Variants in DGKB observed in about 807,000 individuals in gnomAD.
DGKB encodes diacylglycerol kinase beta.
DGKB carries 67 observed loss-of-function variants against 114.3 expected under a neutral mutation model. The ratio of observed to expected loss-of-function variants is 0.59; its 90% CI spans 0.48 to 0.72. DGKB has a LOEUF of 0.72. DGKB is among the 30% of genes least tolerant of loss of function. The pLI is 0.00. For synonymous variants in DGKB, 398 were observed against 323.1 expected (o/e 1.23, Z -2.49); for missense variants, 907 against 975.2 (o/e 0.93, Z 0.93).
At chr7:14,739,434 G>A (rs1012818482) in intron 4 of DGKB, among the ~76,000 whole-genome samples, 1 of 152,180 alleles carries the variant, frequency 6.6e-6, no homozygotes, top group Non-Finnish European at 1.5e-5. Context: ...CTCATGTGTG[G>A]TGGCCTGGTA....
At chr7:14,270,348 T>C (rs1798106392) in intron 23 of DGKB, among the ~76,000 whole-genome samples, 1 of 152,154 alleles carries the variant, frequency 6.6e-6, no homozygotes, top group Non-Finnish European at 1.5e-5. Flanking sequence ...ATATGAACCT[T>C]CTTAGCCTCT....
intron 2 of DGKB, among the ~76,000 whole-genome samples, chr7:14,777,255 G>A (rs1428060759): frequency 6.6e-6 from 1 of 152,088 alleles, no homozygotes; most frequent in Non-Finnish European, 1.5e-5. Flanking sequence ...ATGAGACTTT[G>A]GACTTGGACT....
chr7:14,426,150 G>A (rs1264364934), intron 21 of DGKB, among the ~76,000 whole-genome samples: 1 of 152,130 alleles, frequency 6.6e-6, no homozygotes, highest in Non-Finnish European at 1.5e-5. Flanking sequence ...AGTTTCATGT[G>A]TAGTCAATTC....
rs141327271 is a variant in DGKB at position 14,313,084 on chromosome 7, T to C, written c.2122+25431A>G. Among the ~76,000 whole-genome samples, 1,373 of 152,370 alleles carry C rather than the reference T, an allele frequency of 9.0e-3. 20 individuals are homozygous for C. The highest frequency in any genetic ancestry group is 0.031 in the African/African-American group (1,300 of 41,592). ...TACAAAAAATTGATTGATGTTTCTA[T>C]ATTTCACATTGCAAGTAACCTTTAA... On this transcript the variant is annotated intron_variant, in intron 23 of 25. Transcript: ENST00000402815.
chr7:14,158,901 A>G (rs1783442117), intron 25 of DGKB, among the ~76,000 whole-genome samples: 1 of 151,994 alleles, frequency 6.6e-6, no homozygotes, highest in Non-Finnish European at 1.5e-5. Context: ...ATTGACTCTA[A>G]TCATTTTCAT....
intron 23 of DGKB, among the ~76,000 whole-genome samples, chr7:14,270,504 A>G (rs1314111274): frequency 1.3e-5 from 2 of 152,190 alleles, no homozygotes; most frequent in Non-Finnish European, 2.9e-5. Context: ...TTTACAAAGC[A>G]CTTCCTTTTC....
intron 1 of DGKB, among the ~76,000 whole-genome samples, chr7:14,916,538 T>G (rs894899474): frequency 6.6e-6 from 1 of 152,018 alleles, no homozygotes; most frequent in African/African-American, 2.4e-5. Context: ...GCAATAAAAA[T>G]TATAAGGGAT....
At chr7:14,337,855 A>C (rs1810956393) in intron 23 of DGKB, among the ~76,000 whole-genome samples, 1 of 152,150 alleles carries the variant, frequency 6.6e-6, no homozygotes, top group Non-Finnish European at 1.5e-5. Context: ...TCTAGTTTAT[A>C]AAATCTCTAA....
intron 1 of DGKB, among the ~76,000 whole-genome samples, chr7:14,872,477 C>T (rs1348658154): frequency 2.0e-5 from 3 of 152,164 alleles, no homozygotes; most frequent in Non-Finnish European, 4.4e-5. Flanking sequence ...AACTTCACAG[C>T]TAAGTTTCTG....
intron 23 of DGKB, among the ~76,000 whole-genome samples, chr7:14,234,231 C>A (rs1792394888): frequency 6.6e-6 from 1 of 152,036 alleles, no homozygotes; most frequent in Non-Finnish European, 1.5e-5. Flanking sequence ...AACACAGTTG[C>A]ATGAACCCTT....
chr7:14,285,022 TAA>T lies in DGKB; in HGVS notation c.2122+53491_2122+53492del, dbSNP rs1298466193. 9.2e-5 allele frequency among the ~76,000 whole-genome samples: 7 copies of T among 75,782 alleles called. No homozygotes were observed. In the East Asian group the frequency reaches 1.4e-3, roughly 15 times the overall value. The allele number at this position is 75,782 out of a possible 152,430, so 49.7% of individuals were successfully genotyped here. Reference sequence around the variant, plus strand: ...AACTTAAAGTATAATAATAAAAAAATAAAAAAATAATAAAAAAAAGAAATGTA... The same window carrying T: ...AACTTAAAGTATAATAATAAAAAAATAAAAATAATAAAAAAAAGAAATGTA... On this transcript the variant is annotated intron_variant, in intron 23 of 25. Transcript: ENST00000402815.
At chr7:14,722,320 A>G (rs1829307393) in intron 5 of DGKB, among the ~76,000 whole-genome samples, 1 of 152,046 alleles carries the variant, frequency 6.6e-6, no homozygotes, top group African/African-American at 2.4e-5. Flanking sequence ...TGCCTTTCCC[A>G]TAGTGTCATA....
At chr7:14,645,379 G>A (rs1266070912) in intron 13 of DGKB, among the ~76,000 whole-genome samples, 1 of 152,008 alleles carries the variant, frequency 6.6e-6, no homozygotes, top group Non-Finnish European at 1.5e-5. Context: ...TATAGGTGGT[G>A]AGAATAAAAG....
intron 20 of DGKB, among the ~76,000 whole-genome samples, chr7:14,541,331 C>T (rs1326220872): frequency 6.6e-6 from 1 of 152,134 alleles, no homozygotes; most frequent in Non-Finnish European, 1.5e-5. Context: ...TGAAGTGCTT[C>T]TAAACTGCAT....
intron 21 of DGKB, among the ~76,000 whole-genome samples, chr7:14,403,149 T>C (rs1272730306): frequency 6.6e-6 from 1 of 151,850 alleles, no homozygotes; most frequent in Non-Finnish European, 1.5e-5. Flanking sequence ...ACAGTGTTTG[T>C]TAGAAGAAAT....
intron 5 of DGKB, among the ~76,000 whole-genome samples, chr7:14,729,123 C>CTTTTTTTTTTTT (rs1162368398): frequency 2.6e-5 from 3 of 113,420 alleles, no homozygotes; most frequent in African/African-American, 1.1e-4. Context: ...CATTTTCTTT[C>CTTTTTTTTTTTT]TTTTTTTTTT....
intron 23 of DGKB, among the ~76,000 whole-genome samples, chr7:14,219,849 A>G (rs992450599): frequency 3.3e-5 from 5 of 151,836 alleles, no homozygotes; most frequent in African/African-American, 1.2e-4. Context: ...CCATTGCTGA[A>G]TCAAGTTTAT....
intron 1 of DGKB, among the ~76,000 whole-genome samples, chr7:14,855,141 G>T (rs970662412): frequency 1.3e-5 from 2 of 152,084 alleles, no homozygotes; most frequent in African/African-American, 4.8e-5. Flanking sequence ...TTTAAATTAG[G>T]TCTATCTCAA....
chr7:14,783,809 C>T (rs1271920968), intron 2 of DGKB, among the ~76,000 whole-genome samples: 2 of 152,130 alleles, frequency 1.3e-5, no homozygotes, highest in African/African-American at 4.8e-5. Flanking sequence ...TCAATGCTTT[C>T]CTGATGGCTT....
Sources: gnomAD v4.1 joint callset for allele counts (sites outside exome capture counted in the v4.1 genomes callset) on GRCh38, gnomAD v4.1.1 for gene constraint, MANE v1.5 for transcripts, NCBI Gene and HGNC (gene_info 2026-07-23, HGNC 2026-07-21) for gene names.